The following CSMD3 variants were observed in gnomAD, a reference collection of about 807,000 sequenced individuals.
CSMD3 encodes CUB and Sushi multiple domains 3.
A neutral mutation model predicts 435.2 loss-of-function variants in CSMD3; 177 were observed. The observed-to-expected ratio is 0.41, with a 90% CI of 0.36 to 0.46. CSMD3 has a LOEUF of 0.46. Among genes scored for constraint, CSMD3 ranks in the 20% least tolerant of loss-of-function variants. The pLI, the probability that CSMD3 is intolerant of heterozygous loss-of-function variation, is 0.34. For missense variants in CSMD3, 4,265 were observed against 4,504.6 expected (o/e 0.95, Z 1.52); for synonymous variants, 1,656 against 1,520.5 (o/e 1.09, Z -2.07).
chr8:112,880,549 T>C (rs1233999294), intron 10 of CSMD3, among the ~76,000 whole-genome samples: 1 of 152,006 alleles, frequency 6.6e-6, no homozygotes, highest in African/African-American at 2.4e-5. Context: ...AAAATGGACT[T>C]CTAGGCAGGG....
At chr8:113,228,500 G>A (rs1326997985) in intron 3 of CSMD3, among the ~76,000 whole-genome samples, 2 of 151,258 alleles carry the variant, frequency 1.3e-5, no homozygotes, top group Non-Finnish European at 3.0e-5. Context: ...TCCCTATACT[G>A]GAAAAGATAT....
intron 6 of CSMD3, among the ~76,000 whole-genome samples, chr8:113,017,640 A>C (rs186844945): frequency 1.3e-5 from 2 of 152,104 alleles, no homozygotes; most frequent in Admixed American, 1.3e-4. Flanking sequence ...TCAGAGCCAC[A>C]GAGTTAGGTG....
chr8:113,328,927 G>A (rs886376797), intron 1 of CSMD3, among the ~76,000 whole-genome samples: 1 of 149,876 alleles, frequency 6.7e-6, no homozygotes, highest in African/African-American at 2.5e-5. Flanking sequence ...TTTTTTGTAG[G>A]GATGGAATTT....
At chr8:113,121,434 T>C (rs534117166) in intron 4 of CSMD3, among the ~76,000 whole-genome samples, 1 of 152,104 alleles carries the variant, frequency 6.6e-6, no homozygotes, top group South Asian at 2.1e-4. Flanking sequence ...TTACTTTAAA[T>C]GCTACTAATG....
Position 112,545,500 on chromosome 8 carries a change from A to AT in CSMD3, c.4564+5170_4564+5171insA, listed in dbSNP as rs1482699983. 4.3e-3 allele frequency among the ~76,000 whole-genome samples: 609 copies of AT among 142,844 alleles called. 9 individuals carry two copies. Among genetic ancestry groups the AT allele is most frequent in the African/African-American group, 0.015 (566 of 38,650 alleles). 93.7% of individuals were successfully genotyped at this position (142,844 alleles called of 152,430 possible). A position where few individuals can be genotyped will look rare whatever the true frequency, so the allele number is the denominator to read the frequency against. On this transcript the variant is annotated intron_variant, in intron 27 of 70. Transcript: ENST00000297405. The stretch of plus-strand genomic sequence containing the variant: ...TCCATCTCAAAAAAAAAAAAAAAAA[A>AT]AAATAATAATAATAATAATAATAAT...
At chr8:112,553,565 T>C (rs1743829962) in intron 25 of CSMD3, among the ~76,000 whole-genome samples, 1 of 152,024 alleles carries the variant, frequency 6.6e-6, no homozygotes, top group Non-Finnish European at 1.5e-5. Flanking sequence ...TTTGTGATAG[T>C]TCTTGTTATC....
At chr8:113,184,329 C>A (rs1391462536) in intron 3 of CSMD3, among the ~76,000 whole-genome samples, 2 of 151,844 alleles carry the variant, frequency 1.3e-5, no homozygotes, top group Non-Finnish European at 2.9e-5. Flanking sequence ...CTGATGAAAC[C>A]AATAGTCATT....
chr8:112,682,089 G>T (rs2131782121), intron 16 of CSMD3, among the ~76,000 whole-genome samples: 1 of 151,926 alleles, frequency 6.6e-6, no homozygotes, highest in Admixed American at 6.6e-5. Context: ...TGTGTACCAT[G>T]AATAGATAAC....
intron 16 of CSMD3, among the ~76,000 whole-genome samples, chr8:112,676,912 G>A (rs182701199): frequency 2.5e-4 from 38 of 152,094 alleles, no homozygotes; most frequent in Non-Finnish European, 3.7e-4. Context: ...ATTCAGAAGC[G>A]GGCATTATAA....
chr8:112,976,305 T>A (rs2084846795), intron 6 of CSMD3, among the ~76,000 whole-genome samples, 157 bp from the exon 7 acceptor site: 1 of 152,156 alleles, frequency 6.6e-6, no homozygotes, highest in Admixed American at 6.6e-5. Flanking sequence ...TGAAGCGCAC[T>A]AGATCTGTCG....
Position 112,976,172 on chromosome 8 carries a change from T to C in CSMD3, c.1031-24A>G, listed in dbSNP as rs905284277. On this transcript the variant is annotated intron_variant, in intron 6 of 70. Transcript: ENST00000297405. ...ACCTGTGGGACACAGTAGCACTAGA[T>C]GCTAACTTTTTCTTTTTAAATTTTG... 6 of 1,611,960 alleles carry C rather than the reference T, an allele frequency of 3.7e-6. No homozygotes were observed. The African/African-American group carries it at 8.0e-5, about 22-fold the overall frequency.
chr8:112,467,114 C>A (rs1756291397), intron 32 of CSMD3, among the ~76,000 whole-genome samples: 1 of 152,146 alleles, frequency 6.6e-6, no homozygotes, highest in Admixed American at 6.6e-5. Flanking sequence ...ACTCTGTGTG[C>A]CATTTGCACA....
At chr8:112,627,560 T>G (rs1448656316) in intron 22 of CSMD3, among the ~76,000 whole-genome samples, 1 of 152,184 alleles carries the variant, frequency 6.6e-6, no homozygotes, top group East Asian at 1.9e-4. Context: ...ATCTTTGAAC[T>G]TACCAATTAG....
At chr8:112,877,619 A>G (rs1030558016) in intron 10 of CSMD3, among the ~76,000 whole-genome samples, 19 of 152,244 alleles carry the variant, frequency 1.2e-4, no homozygotes, top group African/African-American at 4.1e-4. Flanking sequence ...GACAATCCTC[A>G]GCAAAAAGAA....
chr8:112,230,564 G>A (rs1324902169), intron 69 of CSMD3, among the ~76,000 whole-genome samples: 2 of 152,070 alleles, frequency 1.3e-5, no homozygotes, highest in African/African-American at 2.4e-5. Context: ...CAAGGCGGGC[G>A]GATCACCTGA....
intron 1 of CSMD3, among the ~76,000 whole-genome samples, chr8:113,318,355 A>T (rs1337036645): frequency 6.6e-6 from 1 of 152,196 alleles, no homozygotes; most frequent in Non-Finnish European, 1.5e-5. Flanking sequence ...TGTGGAACAC[A>T]TACAGAGAGT....
Position 112,616,673 on chromosome 8 carries a change from C to T in CSMD3, c.3715+20144G>A, listed in dbSNP as rs139350977. Among the ~76,000 whole-genome samples the T allele has an allele frequency of 2.8e-3, 426 of 152,120 alleles. 3 individuals are homozygous for T. Among genetic ancestry groups the T allele is most frequent in the South Asian group, 0.018 (89 of 4,822 alleles). On this transcript the variant is annotated intron_variant, in intron 22 of 70. Transcript: ENST00000297405. ...ACACAGACAGGAAACACAAGATCAG[C>T]GTAATGTCAGTTCCCTGAATTCTTT...
At chr8:113,143,770 T>C (rs967501623) in intron 4 of CSMD3, among the ~76,000 whole-genome samples, 1 of 151,448 alleles carries the variant, frequency 6.6e-6, no homozygotes, top group African/African-American at 2.4e-5. Context: ...CTGAATTGAT[T>C]AGTGATTGTA....
At chr8:112,965,213 T>C (rs1194781018) in intron 7 of CSMD3, among the ~76,000 whole-genome samples, 1 of 151,994 alleles carries the variant, frequency 6.6e-6, no homozygotes, top group Non-Finnish European at 1.5e-5. Flanking sequence ...AAAAGTCACA[T>C]ACGCCACATT....
Sources: gnomAD v4.1 joint callset for allele counts (sites outside exome capture counted in the v4.1 genomes callset) on GRCh38, gnomAD v4.1.1 for gene constraint, MANE v1.5 for transcripts, NCBI Gene and HGNC (gene_info 2026-07-23, HGNC 2026-07-21) for gene names.